The following ADCY2 variants were observed in gnomAD, a reference collection of about 807,000 sequenced individuals.
The protein encoded by ADCY2 is adenylate cyclase type 2.
ADCY2 carries 31 observed loss-of-function variants against 125.2 expected under a neutral mutation model. That is an observed-to-expected ratio of 0.25 (90% CI 0.19 to 0.33). ADCY2 has a LOEUF of 0.33. ADCY2 is among the 10% of genes least tolerant of loss of function. The pLI is 1.00. For missense variants in ADCY2, 904 were observed against 1,418.2 expected, an observed-to-expected ratio of 0.64 and a Z score of 5.82; for synonymous variants, 512 against 548.4, an observed-to-expected ratio of 0.93 and a Z score of 0.93.
Position 7,528,880 on chromosome 5 carries a change from A to G in ADCY2, c.570+7981A>G, listed in dbSNP as rs1029007032. On this transcript the variant is annotated intron_variant, in intron 3 of 24. Transcript: ENST00000338316. The stretch of plus-strand genomic sequence containing the variant: ...TGAAAGATACTAATTCTAGGCATCT[A>G]TTAAACCACCAGTAATCAATCTTTG... Among the ~76,000 whole-genome samples, 3 of 152,232 alleles carry G rather than the reference A, an allele frequency of 2.0e-5. No individual in the cohort carries two copies. The East Asian group carries it at 5.8e-4, about 29-fold the overall frequency.
intron 14 of ADCY2, among the ~76,000 whole-genome samples, chr5:7,736,396 A>G (rs1742254349): frequency 6.6e-6 from 1 of 152,176 alleles, no homozygotes; most frequent in South Asian, 2.1e-4. Flanking sequence ...GTGTCACAAC[A>G]TACTCTTAAG....
intron 2 of ADCY2, among the ~76,000 whole-genome samples, chr5:7,508,822 G>T (rs566835101): frequency 6.6e-6 from 1 of 152,118 alleles, no homozygotes; most frequent in Non-Finnish European, 1.5e-5. Flanking sequence ...CCTCATGTTG[G>T]CCAAGAAAAC....
intron 12 of ADCY2, among the ~76,000 whole-genome samples, chr5:7,724,293 CAGTT>C (rs907771861): frequency 6.6e-6 from 1 of 151,828 alleles, no homozygotes; most frequent in African/African-American, 2.4e-5. Flanking sequence ...ATTGATATGA[CAGTT>C]AGTTTATAAT....
At chr5:7,633,109 A>T (rs978458186) in intron 4 of ADCY2, among the ~76,000 whole-genome samples, 24 of 151,750 alleles carry the variant, frequency 1.6e-4, no homozygotes, top group East Asian at 7.7e-4. Flanking sequence ...CACATTAGCA[A>T]CTATTTGTTC....
At chr5:7,692,323 A>G (rs1003615451) in intron 5 of ADCY2, 3 of 152,188 alleles carry the variant, frequency 2.0e-5, no homozygotes, top group African/African-American at 7.2e-5. Context: ...TTAGCTATAT[A>G]ATACCCAAGC....
chr5:7,769,292 A>G (rs1454427872), intron 17 of ADCY2, among the ~76,000 whole-genome samples: 1 of 152,252 alleles, frequency 6.6e-6, no homozygotes, highest in African/African-American at 2.4e-5. Context: ...AAATTTTAAA[A>G]TACATTTTAT....
intron 3 of ADCY2, among the ~76,000 whole-genome samples, chr5:7,524,058 C>A (rs943685101): frequency 6.6e-6 from 1 of 152,114 alleles, no homozygotes; most frequent in South Asian, 2.1e-4. Flanking sequence ...TAAGAGAGTT[C>A]ATTGTTCTCG....
At chr5:7,586,195 C>T (rs1296772651) in intron 3 of ADCY2, among the ~76,000 whole-genome samples, 2 of 152,090 alleles carry the variant, frequency 1.3e-5, no homozygotes, top group South Asian at 2.1e-4. Flanking sequence ...AAGTAATGTA[C>T]TTGTTTTATT....
At chr5:7,668,721 A>C (rs1399200889) in intron 4 of ADCY2, among the ~76,000 whole-genome samples, 2 of 152,208 alleles carry the variant, frequency 1.3e-5, no homozygotes, top group Non-Finnish European at 2.9e-5. Flanking sequence ...TATAGCTAAG[A>C]CATTTGTCAG....
intron 2 of ADCY2, among the ~76,000 whole-genome samples, chr5:7,419,274 T>C (rs772731922): frequency 9.9e-5 from 15 of 152,084 alleles, no homozygotes; most frequent in Non-Finnish European, 2.2e-4. Context: ...CCCACGGAAC[T>C]TGTGACAGCC....
At chr5:7,712,984 C>A in intron 11 of ADCY2, 85 bp downstream of exon 11, 1 of 1,055,306 alleles carries the variant, frequency 9.5e-7, no homozygotes, top group Non-Finnish European at 1.4e-6. Context: ...ATGGTAATTT[C>A]AAGGGCTACT....
chr5:7,457,239 A>G (rs1741708714), intron 2 of ADCY2, among the ~76,000 whole-genome samples: 1 of 152,206 alleles, frequency 6.6e-6, no homozygotes, highest in South Asian at 2.1e-4. Flanking sequence ...CTGCCATATC[A>G]GTTAGCTTTA....
chr5:7,723,117 G>A (rs1243022072), intron 12 of ADCY2, among the ~76,000 whole-genome samples: 8 of 48,262 alleles, frequency 1.7e-4, no homozygotes, highest in African/African-American at 5.3e-4. Flanking sequence ...GACACATAGA[G>A]GACAATGACA....
chr5:7,519,333 A>G (rs1744361393), intron 2 of ADCY2, among the ~76,000 whole-genome samples: 1 of 152,130 alleles, frequency 6.6e-6, no homozygotes, highest in African/African-American at 2.4e-5. Context: ...TTGGTACCAG[A>G]AGCGCTGGCG....
At chr5:7,511,967 T>A (rs1744079005) in intron 2 of ADCY2, among the ~76,000 whole-genome samples, 1 of 151,846 alleles carries the variant, frequency 6.6e-6, no homozygotes, top group African/African-American at 2.4e-5. Flanking sequence ...ACACCTGTAA[T>A]CCCAGCACTT....
intron 3 of ADCY2, among the ~76,000 whole-genome samples, chr5:7,563,279 G>A (rs1735781250): frequency 6.6e-6 from 1 of 152,174 alleles, no homozygotes; most frequent in South Asian, 2.1e-4. Context: ...CCTCTAGGGT[G>A]CAGCAATATA....
At chr5:7,761,139 TTTTCTTTTC>T (rs1207048777) in intron 16 of ADCY2, among the ~76,000 whole-genome samples, 62 of 83,838 alleles carry the variant, frequency 7.4e-4, no homozygotes, top group African/African-American at 3.0e-3. Context: ...ATTTCTTTTC[TTTTCTTTTC>T]TTTTTTTTTT....
At chr5:7,810,313 G>A (rs1744895460) in intron 22 of ADCY2, among the ~76,000 whole-genome samples, 1 of 151,826 alleles carries the variant, frequency 6.6e-6, no homozygotes, top group Admixed American at 6.6e-5. Flanking sequence ...TACCTGATTG[G>A]TGGGTTATCT....
rs539449786 is a variant in ADCY2, at chr5:7,660,602, G to A, written c.721-30089G>A. 3.9e-5 allele frequency among the ~76,000 whole-genome samples: 6 copies of A among 152,308 alleles called. No individual in the cohort carries two copies. The South Asian group carries it at 1.2e-3, about 32-fold the overall frequency. ...TTAAGAGTTGATACTGCAGTCTGGA[G>A]TCAGAAGGCTGGAGACATAGGTAGA... On this transcript the variant is annotated intron_variant, in intron 4 of 24. Transcript: ENST00000338316.
Sources: gnomAD v4.1 joint callset for allele counts (sites outside exome capture counted in the v4.1 genomes callset) on GRCh38, gnomAD v4.1.1 for gene constraint, MANE v1.5 for transcripts, NCBI Gene and HGNC (gene_info 2026-07-23, HGNC 2026-07-21) for gene names.